The following SRGAP1 variants were observed in gnomAD, a reference collection of about 807,000 sequenced individuals.
The protein encoded by SRGAP1 is SLIT-ROBO Rho GTPase-activating protein 1.
In SRGAP1, 43 loss-of-function variants were observed where a neutral mutation model predicts 121.9. That is an observed-to-expected ratio of 0.35 (90% CI 0.28 to 0.46). The LOEUF is 0.46. SRGAP1 is among the 20% of genes least tolerant of loss of function. SRGAP1 has a pLI of 1.00. For synonymous variants in SRGAP1, 447 were observed against 485.4 expected, an observed-to-expected ratio of 0.92 and a Z score of 1.04; for missense variants, 1,102 against 1,350.9, an observed-to-expected ratio of 0.82 and a Z score of 2.89.
intron 1 of SRGAP1, among the ~76,000 whole-genome samples, chr12:63,940,940 G>A (rs1488223753): frequency 2.0e-5 from 3 of 152,008 alleles, no homozygotes; most frequent in East Asian, 1.9e-4. Context: ...ACCTTCCCGC[G>A]GCCTGATAAA....
At chr12:63,916,936 C>T (rs746030211) in intron 1 of SRGAP1, among the ~76,000 whole-genome samples, 3 of 152,034 alleles carry the variant, frequency 2.0e-5, no homozygotes, top group Admixed American at 6.6e-5. Flanking sequence ...TTGATCAAAA[C>T]CACGAGGCCA....
intron 2 of SRGAP1, among the ~76,000 whole-genome samples, chr12:63,986,804 A>G (rs1241199699): frequency 4.6e-5 from 7 of 152,188 alleles, no homozygotes; most frequent in African/African-American, 1.7e-4. Context: ...GGATGGGTCC[A>G]TGTACCTTAT....
intron 6 of SRGAP1, among the ~76,000 whole-genome samples, chr12:64,046,124 G>T (rs984624319): frequency 6.6e-6 from 1 of 152,206 alleles, no homozygotes; most frequent in African/African-American, 2.4e-5. Context: ...GAAGGGTGCA[G>T]AGGCAGAGGT....
At chr12:63,989,370 T>G (rs2033495926) in intron 2 of SRGAP1, among the ~76,000 whole-genome samples, 1 of 152,176 alleles carries the variant, frequency 6.6e-6, no homozygotes, top group East Asian at 1.9e-4. Context: ...AATAAAGTTC[T>G]GATTCCCAGG....
intron 1 of SRGAP1, among the ~76,000 whole-genome samples, chr12:63,877,238 G>C (rs555486978): frequency 6.6e-6 from 1 of 152,156 alleles, no homozygotes; most frequent in South Asian, 2.1e-4. Flanking sequence ...AAAAGAAAGA[G>C]AAAATAATGG....
At chr12:64,087,094 A>C in intron 11 of SRGAP1, 68 bp downstream of exon 11, 2 of 1,212,038 alleles carry the variant, frequency 1.7e-6, no homozygotes, top group South Asian at 1.4e-5. Flanking sequence ...CAACCATTTC[A>C]ATGCTGAAAG....
At chr12:64,106,115 G>T (rs570489377) in intron 15 of SRGAP1, among the ~76,000 whole-genome samples, 3 of 152,246 alleles carry the variant, frequency 2.0e-5, no homozygotes, top group South Asian at 4.1e-4. Context: ...GAACTCCTGG[G>T]CTCAAGCAAT....
At chr12:64,025,092 A>G (rs1435707562) in intron 4 of SRGAP1, among the ~76,000 whole-genome samples, 1 of 151,982 alleles carries the variant, frequency 6.6e-6, no homozygotes, top group Non-Finnish European at 1.5e-5. Context: ...TGATGTGAGC[A>G]CAGAATCTAG....
At chr12:63,875,904 A>G (rs1289256984) in intron 1 of SRGAP1, among the ~76,000 whole-genome samples, 2 of 152,242 alleles carry the variant, frequency 1.3e-5, no homozygotes, top group Non-Finnish European at 2.9e-5. Context: ...AAACCAAATG[A>G]TAAAATTCAC....
chr12:63,908,257 G>A (rs912160103), intron 1 of SRGAP1, among the ~76,000 whole-genome samples: 1 of 152,026 alleles, frequency 6.6e-6, no homozygotes, highest in Non-Finnish European at 1.5e-5. Context: ...AACTAGCTGA[G>A]ATTTTGATAG....
chr12:63,967,745 A>C (rs1334806762), intron 1 of SRGAP1, among the ~76,000 whole-genome samples: 1 of 152,218 alleles, frequency 6.6e-6, no homozygotes, highest in African/African-American at 2.4e-5. Context: ...GAGATATGAA[A>C]AGCTAATTGG....
intron 15 of SRGAP1, among the ~76,000 whole-genome samples, chr12:64,103,188 C>A (rs149662549): frequency 6.6e-6 from 1 of 152,150 alleles, no homozygotes; most frequent in African/African-American, 2.4e-5. Context: ...CACAACATTG[C>A]CCAGGCTGGT....
intron 6 of SRGAP1, among the ~76,000 whole-genome samples, chr12:64,054,484 C>T (rs1481676647): frequency 1.3e-5 from 2 of 152,110 alleles, no homozygotes; most frequent in Non-Finnish European, 2.9e-5. Flanking sequence ...TTTGACTTTT[C>T]CCCCATATAA....
chr12:64,122,790 C>T (rs1035404628), intron 18 of SRGAP1, among the ~76,000 whole-genome samples: 2 of 152,018 alleles, frequency 1.3e-5, no homozygotes, highest in African/African-American at 4.8e-5. Flanking sequence ...CCCGGCTACT[C>T]GAGAGGCTGA....
intron 18 of SRGAP1, among the ~76,000 whole-genome samples, chr12:64,117,611 C>A (rs899247632): frequency 6.6e-6 from 1 of 152,106 alleles, no homozygotes; most frequent in African/African-American, 2.4e-5. Flanking sequence ...CTCCTATATT[C>A]TCTTATTTTA....
At chr12:64,120,628 G>C (rs1178253646) in intron 18 of SRGAP1, 2 of 152,144 alleles carry the variant, frequency 1.3e-5, no homozygotes, top group Non-Finnish European at 2.9e-5. Context: ...TAGAACACTA[G>C]AGTGAAGTTC....
intron 18 of SRGAP1, among the ~76,000 whole-genome samples, chr12:64,124,430 T>G (rs2036655706): frequency 1.3e-5 from 2 of 152,252 alleles, no homozygotes. Context: ...TCTAGAGTAT[T>G]TGGAAATGAA....
chr12:64,111,401 A>G (rs1050925044), intron 16 of SRGAP1, among the ~76,000 whole-genome samples: 3 of 152,184 alleles, frequency 2.0e-5, no homozygotes, highest in East Asian at 1.9e-4. Context: ...AAAGACATCC[A>G]TAAAGCTTTA....
At position 63,915,311 on chromosome 12, in the gene SRGAP1, G is replaced by A. The variant is rs180783610; in HGVS notation, c.68-68636G>A. Among the ~76,000 whole-genome samples, 281 of 152,198 alleles carry A rather than the reference G, an allele frequency of 1.8e-3. 2 individuals are homozygous for A. The highest frequency in any genetic ancestry group is 0.01 in the Middle Eastern group (3 of 294). On this transcript the variant is annotated intron_variant, in intron 1 of 21. Coordinates refer to ENST00000355086, the MANE Select transcript of SRGAP1 (RefSeq NM_020762.4). ...GTTTTTTGAAACAGAAGTAGGCAGGGCTAACTGCCATATGAATAATTTACT... is the reference window on the plus strand; with the variant it reads ...GTTTTTTGAAACAGAAGTAGGCAGGACTAACTGCCATATGAATAATTTACT...
Sources: gnomAD v4.1 joint callset for allele counts (sites outside exome capture counted in the v4.1 genomes callset) on GRCh38, gnomAD v4.1.1 for gene constraint, MANE v1.5 for transcripts, NCBI Gene and HGNC (gene_info 2026-07-23, HGNC 2026-07-21) for gene names.